CFAP20DC: variants seen among roughly 807,000 people sequenced by gnomAD.
CFAP20DC encodes the protein CFAP20 domain containing.
CFAP20DC carries 84 observed loss-of-function variants against 101.7 expected under a neutral mutation model. The ratio of observed to expected loss-of-function variants is 0.83; its 90% CI spans 0.69 to 0.99. The LOEUF (loss-of-function observed/expected upper bound fraction) is 0.99. Among genes scored for constraint, CFAP20DC ranks in the 50% least tolerant of loss-of-function variants. The pLI is 0.00. For missense variants in CFAP20DC, 1,007 were observed against 970.3 expected (o/e 1.04, Z -0.50); for synonymous variants, 359 against 351.2 (o/e 1.02, Z -0.25).
At position 58,799,032 on chromosome 3, in the gene CFAP20DC, C is replaced by A. The variant is rs1245848245; in HGVS notation, c.2237+7363G>T. 1.3e-5 allele frequency among the ~76,000 whole-genome samples: 2 copies of A among 152,082 alleles called. No homozygotes were observed. Among genetic ancestry groups the A allele is most frequent in the African/African-American group, 4.8e-5 (2 of 41,394 alleles). On this transcript the variant is annotated intron_variant, in intron 15 of 16. Coordinates refer to ENST00000482387, the MANE Select transcript of CFAP20DC (RefSeq NM_001394063.1). The surrounding 1 kb of genome is among the most constrained non-coding windows in gnomAD (Gnocchi z 4.9). ...TTTACTGTGGTGGTCTGAAACTCAA[C>A]CTACAATATCTCTGAGGTACGCTTG...
intron 4 of CFAP20DC, among the ~76,000 whole-genome samples, chr3:59,022,585 A>G (rs2093822831): frequency 6.6e-6 from 1 of 152,114 alleles, no homozygotes; most frequent in Admixed American, 6.6e-5. Flanking sequence ...TAAAAAAAAG[A>G]GAATGGTAAT....
chr3:58,889,873 G>C (rs1056202704), intron 6 of CFAP20DC, among the ~76,000 whole-genome samples: 2 of 126,314 alleles, frequency 1.6e-5, no homozygotes, highest in Non-Finnish European at 3.3e-5. Context: ...TTGGGGGTAA[G>C]GTCACAGATC....
chr3:58,920,028 G>A (rs1004969819), intron 5 of CFAP20DC, among the ~76,000 whole-genome samples: 4 of 145,498 alleles, frequency 2.7e-5, no homozygotes, highest in Non-Finnish European at 6.0e-5. Flanking sequence ...GGGTCCTCTA[G>A]TCCTCTAATA....
chr3:58,861,545 A>C lies in CFAP20DC; in HGVS notation c.1593+2013T>G. ...AGAAATTACCAAAAGTACAAAAGAA[A>C]AAATCCAATTTTGTTAAGAAGGTAT... On this transcript the variant is annotated intron_variant, in intron 12 of 16. Coordinates refer to ENST00000482387, the MANE Select transcript of CFAP20DC (RefSeq NM_001394063.1). This position sits in a 1 kb window ranked among gnomAD's most constrained non-coding sequence, Gnocchi z 4.0. 1 of 982,854 alleles carries C rather than the reference A, an allele frequency of 1.0e-6. No homozygotes were observed. The highest frequency in any genetic ancestry group is 1.2e-6 in the Non-Finnish European group (1 of 827,522). 60.9% of individuals were successfully genotyped at this position (982,854 alleles called of 1,614,324 possible). A position where few individuals can be genotyped will look rare whatever the true frequency, so the allele number is the denominator to read the frequency against.
intron 11 of CFAP20DC, 58 bp downstream of exon 11, chr3:58,866,508 T>G: frequency 7.2e-7 from 1 of 1,388,922 alleles, no homozygotes; most frequent in East Asian, 2.6e-5. Flanking sequence ...ATTTGAAATA[T>G]TTACCATATT....
intron 4 of CFAP20DC, among the ~76,000 whole-genome samples, chr3:58,944,967 A>G (rs1422503243): frequency 2.0e-5 from 3 of 152,240 alleles, no homozygotes; most frequent in Admixed American, 6.5e-5. Flanking sequence ...CTTAGACTTC[A>G]GTGTAAGATG....
At chr3:58,853,333 C>A (rs1246187512) in intron 12 of CFAP20DC, among the ~76,000 whole-genome samples, 1 of 152,104 alleles carries the variant, frequency 6.6e-6, no homozygotes, top group African/African-American at 2.4e-5. Flanking sequence ...GAAATTGTGG[C>A]AATAATCAAT....
downstream of CFAP20DC, among the ~76,000 whole-genome samples, chr3:58,741,533 G>A (rs1476578452): frequency 6.7e-6 from 1 of 149,376 alleles, no homozygotes; most frequent in Non-Finnish European, 1.5e-5. Flanking sequence ...GTCTCGCTCT[G>A]TTGCCCAGGC....
intron 4 of CFAP20DC, among the ~76,000 whole-genome samples, chr3:58,988,263 A>T (rs1233747632): frequency 1.3e-5 from 2 of 152,184 alleles, no homozygotes; most frequent in Non-Finnish European, 2.9e-5. Context: ...AATAATAACA[A>T]GCTTTAGCAA....
intron 6 of CFAP20DC, among the ~76,000 whole-genome samples, chr3:58,895,597 C>T (rs1177212689): frequency 8.5e-5 from 13 of 152,222 alleles, no homozygotes; most frequent in Non-Finnish European, 5.9e-5. Flanking sequence ...AACTTTCCCA[C>T]ATTTTCCTTT....
intron 16 of CFAP20DC, among the ~76,000 whole-genome samples, chr3:58,747,851 C>G (rs2068313493): frequency 6.6e-6 from 1 of 152,116 alleles, no homozygotes; most frequent in East Asian, 1.9e-4. Flanking sequence ...TCTCAGCAAA[C>G]ATGTACCCTC....
intron 6 of CFAP20DC, among the ~76,000 whole-genome samples, chr3:58,907,401 T>A (rs2083710707): frequency 6.6e-6 from 1 of 152,080 alleles, no homozygotes; most frequent in African/African-American, 2.4e-5. Context: ...ACATGTAAGG[T>A]TTCTTGCCAG....
intron 14 of CFAP20DC, among the ~76,000 whole-genome samples, chr3:58,819,746 T>A (rs1387359347): frequency 6.9e-6 from 1 of 145,210 alleles, no homozygotes; most frequent in Non-Finnish European, 1.5e-5. Flanking sequence ...CTTCTGAAAC[T>A]ATTCCAATCA....
intron 4 of CFAP20DC, among the ~76,000 whole-genome samples, chr3:59,027,088 T>C (rs986431574): frequency 3.3e-5 from 5 of 152,130 alleles, no homozygotes; most frequent in African/African-American, 4.8e-5. Context: ...GCCACACAAC[T>C]AGGAAGCAGA....
intron 3 of CFAP20DC, among the ~76,000 whole-genome samples, chr3:58,733,245 T>C (rs1415182256): frequency 1.3e-5 from 2 of 152,176 alleles, no homozygotes; most frequent in African/African-American, 4.8e-5. Flanking sequence ...GGCAGGAGAA[T>C]CACTTGAACG....
intron 15 of CFAP20DC, among the ~76,000 whole-genome samples, chr3:58,759,157 G>C (rs1325205198): frequency 1.3e-5 from 2 of 151,950 alleles, no homozygotes; most frequent in Non-Finnish European, 2.9e-5. Context: ...CCCACCAACA[G>C]TGTAAAAGTG....
chr3:58,743,230 C>T (rs184413449), intron 16 of CFAP20DC, among the ~76,000 whole-genome samples: 150 of 149,796 alleles, frequency 1.0e-3, no homozygotes, highest in African/African-American at 3.4e-3. Flanking sequence ...CTGTCTAAGT[C>T]ATTATCGAGG....
chr3:58,794,494 G>A (rs151159670), intron 15 of CFAP20DC, among the ~76,000 whole-genome samples: 13 of 152,220 alleles, frequency 8.5e-5, no homozygotes, highest in Admixed American at 3.3e-4. Flanking sequence ...GTTTTTATAT[G>A]GTAATGAACA....
chr3:58,806,869 A>G (rs566249688), intron 14 of CFAP20DC, among the ~76,000 whole-genome samples: 1 of 152,260 alleles, frequency 6.6e-6, no homozygotes, highest in Non-Finnish European at 1.5e-5. Context: ...CCACCCTAAT[A>G]CTGCACTTTT....
Sources: allele counts gnomAD v4.1 joint callset (sites outside exome capture counted in the v4.1 genomes callset), GRCh38; gene constraint gnomAD v4.1.1; non-coding constraint Gnocchi (gnomAD v3.1); transcripts MANE v1.5; gene names NCBI Gene and HGNC (gene_info 2026-07-23, HGNC 2026-07-21).